The following CSF2RA variants were observed in gnomAD, a reference collection of about 807,000 sequenced individuals.
The protein encoded by CSF2RA is colony stimulating factor 2 receptor subunit alpha, also known as granulocyte-macrophage colony-stimulating factor receptor subunit alpha.
Under a neutral mutation model 51.6 loss-of-function variants are expected in CSF2RA, and 42 were observed. That is an observed-to-expected ratio of 0.81 (90% CI 0.64 to 1.05). The LOEUF (loss-of-function observed/expected upper bound fraction) is 1.05, where lower values mean the gene tolerates loss of function less well. CSF2RA is among the 50% of genes least tolerant of loss of function. CSF2RA has a pLI of 0.00. For missense variants in CSF2RA, 530 were observed against 501.1 expected, an observed-to-expected ratio of 1.06 and a Z score of -0.55; for synonymous variants, 222 against 193.0, an observed-to-expected ratio of 1.15 and a Z score of -1.24.
intron 2 of CSF2RA, among the ~76,000 whole-genome samples, chrX:1,279,071 G>A (rs1470261338): frequency 2.7e-4 from 40 of 149,430 alleles, no homozygotes; most frequent in African/African-American, 8.1e-4. Context: ...CAAGAAGGCC[G>A]TACGTACAGT....
chrX:1,324,248 C>CTT, the CSF2RA span, among the ~76,000 whole-genome samples: 2 of 150,154 alleles, frequency 1.3e-5, no homozygotes, highest in Admixed American at 1.4e-4. Context: ...AATCCCAGCA[C>CTT]TTTGGGAGGT....
intron 8 of CSF2RA, 141 bp from the exon 9 acceptor site, chrX:1,295,286 T>G: frequency 2.0e-6 from 2 of 1,004,068 alleles, no homozygotes; most frequent in Non-Finnish European, 1.6e-6. Flanking sequence ...ATTCGGGGTT[T>G]GTGGAGGGAG....
At chrX:1,323,141 A>G in the CSF2RA span, among the ~76,000 whole-genome samples, 13 of 146,894 alleles carry the variant, frequency 8.8e-5, no homozygotes, top group Non-Finnish European at 1.5e-5. Flanking sequence ...AAAAAATACA[A>G]TACAATACAT....
At chrX:1,275,990 G>A (rs1439353095) in intron 2 of CSF2RA, among the ~76,000 whole-genome samples, 2 of 151,572 alleles carry the variant, frequency 1.3e-5, no homozygotes, top group Non-Finnish European at 2.9e-5. Context: ...ACAGCGTCCA[G>A]CTATTTTATT....
chrX:1,288,064 G>C (rs1354994598), intron 4 of CSF2RA, among the ~76,000 whole-genome samples: 5 of 151,642 alleles, frequency 3.3e-5, no homozygotes, highest in Admixed American at 1.3e-4. Flanking sequence ...AGCACTGCTA[G>C]AGTATAAGAT....
At chrX:1,314,982 T>A (rs375298152), downstream of CSF2RA, among the ~76,000 whole-genome samples, 2 of 37,610 alleles carry the variant, frequency 5.3e-5, no homozygotes, top group Admixed American at 4.5e-4. Flanking sequence ...GCCTGCCCAA[T>A]CGCACTGCAC....
At chrX:1,303,462 A>G in intron 10 of CSF2RA, 2 of 434,712 alleles carry the variant, frequency 4.6e-6, no homozygotes, top group Non-Finnish European at 8.1e-6. Context: ...CTTGTCTCGA[A>G]CTCCTGACCT....
chrX:1,296,353 C>T (rs775619222), intron 9 of CSF2RA, among the ~76,000 whole-genome samples: 39 of 106,422 alleles, frequency 3.7e-4, no homozygotes, highest in African/African-American at 8.4e-4. Flanking sequence ...CTGGCGGAAC[C>T]CTACAGTCCC....
intron 10 of CSF2RA, among the ~76,000 whole-genome samples, chrX:1,301,946 C>T (rs1480405450): frequency 4.7e-5 from 6 of 127,636 alleles, no homozygotes; most frequent in Admixed American, 9.4e-5. Context: ...GATGGCGTTT[C>T]GCTCTTGTTG....
At chrX:1,311,157 C>G (rs559609720), downstream of CSF2RA, among the ~76,000 whole-genome samples, 72 of 150,772 alleles carry the variant, frequency 4.8e-4, no homozygotes, top group South Asian at 6.1e-3. Flanking sequence ...GCTGAGGCAG[C>G]AGAATTGCTT....
downstream of CSF2RA, among the ~76,000 whole-genome samples, chrX:1,313,161 T>A (rs28477894): frequency 0.11 from 16,127 of 152,042 alleles, 1,381 homozygotes; most frequent in African/African-American, 0.22. Flanking sequence ...GTGGTAGCCA[T>A]GCCTATAATC....
At chrX:1,311,144 G>A (rs1173402165), downstream of CSF2RA, among the ~76,000 whole-genome samples, 1 of 151,840 alleles carries the variant, frequency 6.6e-6, no homozygotes, top group Non-Finnish European at 1.5e-5. Context: ...AGCTACTCAG[G>A]AGGCTGAGGC....
the CSF2RA span, among the ~76,000 whole-genome samples, chrX:1,321,512 T>C: frequency 6.7e-6 from 1 of 149,500 alleles, no homozygotes; most frequent in Non-Finnish European, 1.5e-5. Flanking sequence ...GAGGCAGAGG[T>C]TGCGGTTGGC....
intron 1 of CSF2RA, among the ~76,000 whole-genome samples, chrX:1,272,897 C>G (rs2088640892): frequency 6.7e-6 from 1 of 150,116 alleles, no homozygotes; most frequent in Non-Finnish European, 1.5e-5. Flanking sequence ...CAGCTCACCA[C>G]AGCCTCCACC....
At chrX:1,278,110 G>T (rs774774927) in intron 2 of CSF2RA, among the ~76,000 whole-genome samples, 1 of 148,874 alleles carries the variant, frequency 6.7e-6, no homozygotes, top group South Asian at 2.1e-4. Context: ...GAGGCAGGTG[G>T]ATCACCTGAG....
At chrX:1,282,621 C>A in intron 2 of CSF2RA, 57 bp from the exon 3 acceptor site, 1 of 1,291,478 alleles carries the variant, frequency 7.7e-7, no homozygotes, top group Non-Finnish European at 1.1e-6. Context: ...GGGTCCCCTG[C>A]CAGGAATGTC....
In CSF2RA at chrX:1,309,857, C is replaced by A; in HGVS notation, c.*378C>A. ...GAGCCAAGATCGCACCATTGCACAC[C>A]AACCTGCGTGACAGAGCAAGATTGC... On this transcript the variant is annotated 3_prime_UTR_variant, in exon 13 of 13. Transcript: ENST00000381529. 1 of 596,064 alleles carries A rather than the reference C, an allele frequency of 1.7e-6. No homozygotes were observed. Among genetic ancestry groups the A allele is most frequent in the Non-Finnish European group, 3.0e-6 (1 of 335,706 alleles). The allele number at this position is 596,064 out of a possible 1,614,324, so 36.9% of individuals were successfully genotyped here. A position where few individuals can be genotyped will look rare whatever the true frequency, so the allele number is the denominator to read the frequency against.
chrX:1,316,275 TA>T, the CSF2RA span, among the ~76,000 whole-genome samples: 1 of 143,224 alleles, frequency 7.0e-6, no homozygotes, highest in African/African-American at 2.7e-5. Flanking sequence ...GATAGATAGA[TA>T]GATAGATAGA....
rs28416688 is a variant in CSF2RA, at chrX:1,309,714, C to G, written c.*235C>G. On this transcript the variant is annotated 3_prime_UTR_variant, in exon 13 of 13. Transcript: ENST00000381529. Reference sequence around the variant, plus strand: ...CCAGCCTGCCCAACATGGTGAAACCCCATCTGGACTAAAAATGCAGAAATT... The same window carrying G: ...CCAGCCTGCCCAACATGGTGAAACCGCATCTGGACTAAAAATGCAGAAATT... 3.4e-6 allele frequency: 3 copies of G among 894,000 alleles called. No individual in the cohort carries two copies. In the East Asian group the frequency reaches 7.5e-5, roughly 22 times the overall value. 55.4% of individuals were successfully genotyped at this position (894,000 alleles called of 1,614,324 possible).
Sources: gnomAD v4.1 joint callset for allele counts (sites outside exome capture counted in the v4.1 genomes callset) on GRCh38, gnomAD v4.1.1 for gene constraint, MANE v1.5 for transcripts, NCBI Gene and HGNC (gene_info 2026-07-23, HGNC 2026-07-21) for gene names.